Variants in EPHA6 observed in about 807,000 individuals in gnomAD.
EPHA6 encodes ephrin type-A receptor 6.
Under a neutral mutation model 112.0 loss-of-function variants are expected in EPHA6, and 50 were observed. The ratio of observed to expected loss-of-function variants is 0.45; its 90% CI spans 0.36 to 0.56. EPHA6 has a LOEUF of 0.56. Among genes scored for constraint, EPHA6 ranks in the 20% least tolerant of loss-of-function variants. The pLI is 0.00. For synonymous variants in EPHA6, 529 were observed against 490.7 expected (o/e 1.08, Z -1.03); for missense variants, 1,280 against 1,417.4 (o/e 0.90, Z 1.56).
intron 14 of EPHA6, among the ~76,000 whole-genome samples, chr3:97,695,676 G>A (rs551224018): frequency 4.3e-4 from 65 of 152,166 alleles, no homozygotes; most frequent in Non-Finnish European, 7.2e-4. Context: ...GAGTGTCTGG[G>A]ACTACAGGCA....
chr3:97,098,455 C>G (rs2047309777), intron 3 of EPHA6, among the ~76,000 whole-genome samples: 1 of 151,452 alleles, frequency 6.6e-6, no homozygotes, highest in Non-Finnish European at 1.5e-5. Context: ...TCTGAATAGG[C>G]AACAGAATTT....
chr3:97,296,960 C>T (rs774030713), intron 5 of EPHA6, among the ~76,000 whole-genome samples: 1 of 152,106 alleles, frequency 6.6e-6, no homozygotes, highest in Non-Finnish European at 1.5e-5. Flanking sequence ...TATTGGGCCC[C>T]AGAGAAGAAT....
At chr3:96,942,174 A>C (rs2040994869) in intron 2 of EPHA6, among the ~76,000 whole-genome samples, 1 of 152,204 alleles carries the variant, frequency 6.6e-6, no homozygotes, top group African/African-American at 2.4e-5. Context: ...TGCAGAGGTT[A>C]CTGCTGTCTT....
In EPHA6 at chr3:97,607,587, G is replaced by A. The variant is rs537059690; in HGVS notation, c.2513-3206G>A. On this transcript the variant is annotated intron_variant, in intron 12 of 17. Coordinates refer to ENST00000389672, the MANE Select transcript of EPHA6 (RefSeq NM_001080448.3). ...AAAACCTAAGAAATTCACCTTGTGT[G>A]ACTTGTAGAAGTATCTTTGAAAGTC... Among the ~76,000 whole-genome samples, 30 of 151,170 alleles carry A rather than the reference G, an allele frequency of 2.0e-4. No individual in the cohort carries two copies. The South Asian group carries it at 6.2e-3, about 31-fold the overall frequency.
At chr3:97,549,048 A>G (rs534409780) in intron 11 of EPHA6, among the ~76,000 whole-genome samples, 15 of 152,348 alleles carry the variant, frequency 9.8e-5, no homozygotes, top group African/African-American at 3.4e-4. Context: ...GTAAAAGTCT[A>G]GCATATACAA....
At chr3:97,279,686 T>C (rs2080220332) in intron 5 of EPHA6, among the ~76,000 whole-genome samples, 2 of 152,152 alleles carry the variant, frequency 1.3e-5, no homozygotes, top group East Asian at 1.9e-4. Context: ...TGGAAGAATA[T>C]AGAAAAGATT....
intron 7 of EPHA6, among the ~76,000 whole-genome samples, chr3:97,471,155 TTAAG>T (rs2091217927): frequency 2.0e-5 from 3 of 151,708 alleles, no homozygotes; most frequent in Admixed American, 1.3e-4. Flanking sequence ...ATTTGTTTCT[TTAAG>T]TGTCTATTTA....
At chr3:97,142,789 C>T (rs1304112259) in intron 3 of EPHA6, among the ~76,000 whole-genome samples, 2 of 151,720 alleles carry the variant, frequency 1.3e-5, no homozygotes, top group African/African-American at 4.8e-5. Flanking sequence ...AATCTCTTTA[C>T]AATAAAAACC....
chr3:97,191,853 T>G (rs9869028), intron 3 of EPHA6, among the ~76,000 whole-genome samples: 62,426 of 151,994 alleles, frequency 0.41, 16,966 homozygotes, highest in African/African-American at 0.77. Flanking sequence ...ATCTAGAAGT[T>G]GGATTGCTGG....
chr3:97,321,516 A>C (rs2082118172), intron 5 of EPHA6, among the ~76,000 whole-genome samples: 1 of 151,872 alleles, frequency 6.6e-6, no homozygotes, highest in Non-Finnish European at 1.5e-5. Flanking sequence ...ATCTTGTCCA[A>C]ATTTTCAAAC....
At chr3:97,324,483 TC>T (rs1310809337) in intron 5 of EPHA6, among the ~76,000 whole-genome samples, 1 of 133,358 alleles carries the variant, frequency 7.5e-6, no homozygotes. Context: ...TTCTTTCGTC[TC>T]TTTCTCTTTC....
intron 3 of EPHA6, among the ~76,000 whole-genome samples, chr3:97,078,323 A>G (rs2046606386): frequency 6.6e-6 from 1 of 152,012 alleles, no homozygotes; most frequent in Admixed American, 6.6e-5. Context: ...GATTGCAAAA[A>G]ATTTCTCCCA....
intron 5 of EPHA6, among the ~76,000 whole-genome samples, chr3:97,393,308 T>C (rs1295050345): frequency 6.6e-6 from 1 of 151,852 alleles, no homozygotes; most frequent in Non-Finnish European, 1.5e-5. Context: ...TTATAGAACC[T>C]GTTATATAAG....
At position 97,759,483 on chromosome 3, in the gene EPHA6, A is replaced by ATGCTGTAG. The variant is rs1475617454; in HGVS notation, c.*10782_*10783insTGCTGTAG. 6.5e-5 allele frequency: 15 copies of ATGCTGTAG among 229,888 alleles called. No individual in the cohort carries two copies. Among genetic ancestry groups the ATGCTGTAG allele is most frequent in the Middle Eastern group, 1.3e-3 (1 of 754 alleles). 14.2% of individuals were successfully genotyped at this position (229,888 alleles called of 1,614,324 possible). A position where few individuals can be genotyped will look rare whatever the true frequency, so the allele number is the denominator to read the frequency against. On this transcript the variant is annotated 3_prime_UTR_variant, in exon 18 of 18. Coordinates refer to ENST00000389672, the MANE Select transcript of EPHA6 (RefSeq NM_001080448.3). ...GGATGCTACAGCATATTTATCTACT[A>ATGCTGTAG]ATGAAAATGACTTGGCAGACAGGGG... is the stretch of plus-strand genomic sequence containing the variant.
At chr3:97,302,849 A>G (rs890161154) in intron 5 of EPHA6, among the ~76,000 whole-genome samples, 13 of 151,960 alleles carry the variant, frequency 8.6e-5, no homozygotes, top group African/African-American at 3.1e-4. Context: ...AAATTATACT[A>G]TGCAGTTAGA....
At position 97,272,919 on chromosome 3, in the gene EPHA6, C is replaced by T. The variant is rs368519139; in HGVS notation, c.1606+28632C>T. 6.0e-4 allele frequency among the ~76,000 whole-genome samples: 91 copies of T among 151,812 alleles called. 1 individual carries two copies. The highest frequency in any genetic ancestry group is 1.7e-3 in the African/African-American group (69 of 41,362). On this transcript the variant is annotated intron_variant, in intron 5 of 17. Transcript: ENST00000389672. ...ACGAAATAGTGGTAAAGTGTTGGGA[C>T]GGCAAAAATTTTGGGGGGTGGTATG...
At chr3:97,100,414 G>A (rs898210100) in intron 3 of EPHA6, among the ~76,000 whole-genome samples, 1 of 151,578 alleles carries the variant, frequency 6.6e-6, no homozygotes, top group African/African-American at 2.4e-5. Flanking sequence ...TATTTTGAGT[G>A]TTTCTCAGGT....
intron 3 of EPHA6, among the ~76,000 whole-genome samples, chr3:97,136,761 A>AAATAACC: frequency 6.6e-6 from 1 of 152,300 alleles, no homozygotes; most frequent in East Asian, 1.9e-4. Flanking sequence ...TGCTAAGAGA[A>AAATAACC]AATAACCATC....
intron 14 of EPHA6, among the ~76,000 whole-genome samples, chr3:97,694,739 T>A (rs1366760149): frequency 6.6e-6 from 1 of 152,214 alleles, no homozygotes; most frequent in Non-Finnish European, 1.5e-5. Context: ...TTGTATAGTG[T>A]CAGAGTTGTG....
Sources: allele counts gnomAD v4.1 joint callset (sites outside exome capture counted in the v4.1 genomes callset), GRCh38; gene constraint gnomAD v4.1.1; transcripts MANE v1.5; gene names NCBI Gene and HGNC (gene_info 2026-07-23, HGNC 2026-07-21).